The following MFHAS1 variants were observed in gnomAD, a reference collection of about 807,000 sequenced individuals.
The protein encoded by MFHAS1 is multifunctional ROCO family signaling regulator 1.
A neutral mutation model predicts 70.4 loss-of-function variants in MFHAS1; 50 were observed. The observed-to-expected ratio is 0.71, with a 90% CI of 0.57 to 0.90. MFHAS1 has a LOEUF of 0.90. Ranked by LOEUF, MFHAS1 falls within the 40% of genes least tolerant of loss-of-function variation. The pLI is 0.00. For missense variants in MFHAS1, 1,795 were observed against 1,347.6 expected, an observed-to-expected ratio of 1.33 and a Z score of -5.20; for synonymous variants, 952 against 620.0, an observed-to-expected ratio of 1.54 and a Z score of -7.96.
rs1806785809 is a variant in MFHAS1, at chr8:8,817,360, T to C, written c.2999-19869A>G. Reference sequence around the variant, plus strand: ...TGACGTCCATTTGTATCAGAGGTAATTCGCTTAATAAAGCCATTTGAAATA... The same window carrying C: ...TGACGTCCATTTGTATCAGAGGTAACTCGCTTAATAAAGCCATTTGAAATA... On this transcript the variant is annotated intron_variant, in intron 1 of 2. Coordinates refer to ENST00000276282, the MANE Select transcript of MFHAS1 (RefSeq NM_004225.3). 3.9e-5 allele frequency among the ~76,000 whole-genome samples: 6 copies of C among 152,254 alleles called. No homozygotes were observed. In the South Asian group the frequency reaches 1.2e-3, roughly 31 times the overall value.
chr8:8,818,240 C>T lies in MFHAS1; in HGVS notation c.2999-20749G>A, dbSNP rs192281901. Among the ~76,000 whole-genome samples the T allele has an allele frequency of 6.6e-5, 10 of 152,140 alleles. No individual in the cohort carries two copies. The East Asian group carries it at 1.7e-3, about 26-fold the overall frequency. ...GAACACAGCCCTTTGTGGTTGAAGACAATCCACATAATCCAACAGTAAATT... is the reference window on the plus strand; with the variant it reads ...GAACACAGCCCTTTGTGGTTGAAGATAATCCACATAATCCAACAGTAAATT... On this transcript the variant is annotated intron_variant, in intron 1 of 2. Coordinates refer to ENST00000276282, the MANE Select transcript of MFHAS1 (RefSeq NM_004225.3).
rs1426625428 is a variant in MFHAS1 at position 8,783,727 on chromosome 8, T to C, written c.*2295A>G. Reference sequence around the variant, plus strand: ...TGCTTAGAAAACATTCCTCTTGTGCTTAGTGAATCACCTATCGCCTCGGTG... The same window carrying C: ...TGCTTAGAAAACATTCCTCTTGTGCCTAGTGAATCACCTATCGCCTCGGTG... On this transcript the variant is annotated 3_prime_UTR_variant, in exon 3 of 3. Coordinates refer to ENST00000276282, the MANE Select transcript of MFHAS1 (RefSeq NM_004225.3). 1 of 152,206 alleles carries C rather than the reference T, an allele frequency of 6.6e-6. No homozygotes were observed. Among genetic ancestry groups the C allele is most frequent in the African/African-American group, 2.4e-5 (1 of 41,440 alleles). 9.4% of individuals were successfully genotyped at this position (152,206 alleles called of 1,614,324 possible). A position where few individuals can be genotyped will look rare whatever the true frequency, so the allele number is the denominator to read the frequency against.
At chr8:8,864,452 T>C (rs1378716671) in intron 1 of MFHAS1, among the ~76,000 whole-genome samples, 1 of 152,220 alleles carries the variant, frequency 6.6e-6, no homozygotes, top group South Asian at 2.1e-4. Context: ...AGTAAAAATA[T>C]TTTTAATGTT....
chr8:8,851,170 C>T (rs963763278), intron 1 of MFHAS1, among the ~76,000 whole-genome samples: 5 of 152,256 alleles, frequency 3.3e-5, no homozygotes, highest in African/African-American at 7.2e-5. Context: ...TGGTGGTTTT[C>T]AGGATGCTGA....
chr8:8,848,332 T>A (rs970650217), intron 1 of MFHAS1, among the ~76,000 whole-genome samples: 10 of 151,982 alleles, frequency 6.6e-5, no homozygotes, highest in Admixed American at 5.2e-4. Flanking sequence ...GAACCCGTGT[T>A]AGCCATTTGG....
chr8:8,867,977 G>A (rs555517443), intron 1 of MFHAS1, among the ~76,000 whole-genome samples: 2 of 152,232 alleles, frequency 1.3e-5, no homozygotes, highest in South Asian at 2.1e-4. Context: ...AATGGAACTC[G>A]AGTTTTTCCA....
At chr8:8,865,885 A>G (rs964105555) in intron 1 of MFHAS1, among the ~76,000 whole-genome samples, 4 of 152,182 alleles carry the variant, frequency 2.6e-5, no homozygotes, top group African/African-American at 7.2e-5. Context: ...AGGCAGAAAA[A>G]CTAGGGCAGG....
At chr8:8,819,149 C>T (rs1455348692) in intron 1 of MFHAS1, among the ~76,000 whole-genome samples, 2 of 151,980 alleles carry the variant, frequency 1.3e-5, no homozygotes, top group African/African-American at 4.8e-5. Flanking sequence ...CAATATTTTG[C>T]AGTGTATATA....
At position 8,814,303 on chromosome 8, in the gene MFHAS1, A is replaced by T. The variant is rs769382906; in HGVS notation, c.2999-16812T>A. Among the ~76,000 whole-genome samples, 155 of 152,186 alleles carry T rather than the reference A, an allele frequency of 1.0e-3. 1 individual carries two copies. Among genetic ancestry groups the T allele is most frequent in the Non-Finnish European group, 2.0e-3 (139 of 68,030 alleles). On this transcript the variant is annotated intron_variant, in intron 1 of 2. Transcript: ENST00000276282. ...TCTAAGGTTAGATGCACAAATACTT[A>T]CCATCGTTGTTACAATGGTCACAAT... is the stretch of plus-strand genomic sequence containing the variant.
At chr8:8,882,995 A>T (rs1162020483) in intron 1 of MFHAS1, among the ~76,000 whole-genome samples, 1 of 151,866 alleles carries the variant, frequency 6.6e-6, no homozygotes, top group African/African-American at 2.4e-5. Context: ...TCTACTAAAA[A>T]TACAAAAATT....
rs564359464 is a variant in MFHAS1 at position 8,800,561 on chromosome 8, A to G, written c.2999-3070T>C. On this transcript the variant is annotated intron_variant, in intron 1 of 2. Transcript: ENST00000276282. ...AACCAACCCACCCACCATGCACCAC[A>G]GGGGCCAGGACTCCAACGAGAAGTT... 3.9e-5 allele frequency among the ~76,000 whole-genome samples: 6 copies of G among 152,198 alleles called. 1 individual carries two copies. In the South Asian group the frequency reaches 1.0e-3, roughly 26 times the overall value.
intron 1 of MFHAS1, among the ~76,000 whole-genome samples, chr8:8,838,150 G>A (rs966801115): frequency 3.3e-5 from 5 of 152,292 alleles, no homozygotes; most frequent in Middle Eastern, 3.4e-3. Context: ...TGAGTGAAAA[G>A]GTCAGACAAA....
At chr8:8,876,544 G>C (rs1240832372) in intron 1 of MFHAS1, among the ~76,000 whole-genome samples, 1 of 152,066 alleles carries the variant, frequency 6.6e-6, no homozygotes, top group East Asian at 2.0e-4. Flanking sequence ...AGACCAGTGT[G>C]GCTAACGTGG....
At chr8:8,841,072 A>AT (rs1241629670) in intron 1 of MFHAS1, among the ~76,000 whole-genome samples, 1 of 152,216 alleles carries the variant, frequency 6.6e-6, no homozygotes, top group East Asian at 1.9e-4. Flanking sequence ...ATGTAGGGCA[A>AT]TTACCAAGTG....
In MFHAS1 at chr8:8,892,324, G is replaced by A. The variant is rs1207276203; in HGVS notation, c.735C>T (p.Gly245=). 1.2e-6 allele frequency: 2 copies of A among 1,612,134 alleles called. No homozygotes were observed. Among genetic ancestry groups the A allele is most frequent in the African/African-American group, 2.7e-5 (2 of 74,908 alleles). The change falls in exon 1 of 3, where the codon GGC becomes GGT. Residue 245 remains glycine, a synonymous_variant. Transcript: ENST00000276282. This position sits in a 1 kb window ranked among gnomAD's most constrained non-coding sequence, Gnocchi z 4.7. ...TCTCCAAACTGGCCAGCTCGCAGAA[G>A]CCGGCGGGCAGCGTGCCAAGCTCGG... ...SGAELGTLPA[G]FCELASLESL...
intron 1 of MFHAS1, among the ~76,000 whole-genome samples, chr8:8,843,282 A>AAAAAAAAG (rs1224135414): frequency 6.6e-6 from 1 of 151,628 alleles, no homozygotes; most frequent in Non-Finnish European, 1.5e-5. Flanking sequence ...TCTCAAAAAA[A>AAAAAAAAG]AAAAAAGAAA....
intron 1 of MFHAS1, among the ~76,000 whole-genome samples, chr8:8,889,002 A>G (rs1809880314): frequency 6.7e-6 from 1 of 148,710 alleles, no homozygotes; most frequent in Admixed American, 6.9e-5. Flanking sequence ...TAAACTTAAA[A>G]CTGCTCTAAG....
chr8:8,787,928 T>C (rs1805608032), intron 2 of MFHAS1, among the ~76,000 whole-genome samples: 1 of 152,200 alleles, frequency 6.6e-6, no homozygotes, highest in Non-Finnish European at 1.5e-5. Flanking sequence ...ACATTTGGGA[T>C]CTTAGAGAAA....
chr8:8,797,531 A>C, intron 1 of MFHAS1, 40 bp from the exon 2 acceptor site: 1 of 1,591,206 alleles, frequency 6.3e-7, no homozygotes, highest in Non-Finnish European at 8.6e-7. Flanking sequence ...GGAGATGTGC[A>C]CTAAAAATGG....
Sources: gnomAD v4.1 joint callset for allele counts (sites outside exome capture counted in the v4.1 genomes callset) on GRCh38, gnomAD v4.1.1 for gene constraint, Gnocchi (gnomAD v3.1) non-coding constraint, MANE v1.5 for transcripts, NCBI Gene and HGNC (gene_info 2026-07-23, HGNC 2026-07-21) for gene names.